The following UNC13A variants were observed in gnomAD, a reference collection of about 807,000 sequenced individuals.
The protein encoded by UNC13A is protein unc-13 homolog A.
Under a neutral mutation model 219.7 loss-of-function variants are expected in UNC13A, and 61 were observed. The observed-to-expected ratio is 0.28, with a 90% CI of 0.23 to 0.34. The LOEUF (loss-of-function observed/expected upper bound fraction) is 0.34, where lower values mean the gene tolerates loss of function less well. UNC13A is among the 10% of genes least tolerant of loss of function. The probability of loss-of-function intolerance (pLI) is 1.00; values close to 1 mark genes in which losing one functional copy is unlikely to be tolerated. For synonymous variants in UNC13A, 920 were observed against 884.6 expected, an observed-to-expected ratio of 1.04 and a Z score of -0.71; for missense variants, 1,476 against 2,270.3, an observed-to-expected ratio of 0.65 and a Z score of 7.11.
At chr19:17,647,233 G>C in intron 17 of UNC13A, 32 bp downstream of exon 17, 1 of 1,536,258 alleles carries the variant, frequency 6.5e-7, no homozygotes, top group Non-Finnish European at 8.8e-7. Context: ...GGTGGAGAAG[G>C]AGGGGCCCTA....
chr19:17,639,090 G>A lies in UNC13A; in HGVS notation c.3074C>T (p.Thr1025Ile). ...ACCCATCTGGAGTCTCACCGGGTCTGTCTGGTACTCCCGGCTGTACAGTTC... is the reference window on the plus strand; with the variant it reads ...ACCCATCTGGAGTCTCACCGGGTCTATCTGGTACTCCCGGCTGTACAGTTC... ...CHELYSREYQ[T>I]DPAKKGEVLP... The change falls in exon 25 of 44, where the codon ACA becomes ATA. Residue 1025 changes from threonine to isoleucine, a missense_variant. Around this residue, in one of 14 missense-constraint regions of UNC13A, gnomAD observed 24 missense variants for 16.0 expected, o/e 1.50. Coordinates refer to ENST00000519716, the MANE Select transcript of UNC13A (RefSeq NM_001080421.3). 6.3e-7 allele frequency: 1 copy of A among 1,596,754 alleles called. No homozygotes were observed.
At chr19:17,631,803 G>A (rs1187989658) in intron 28 of UNC13A, among the ~76,000 whole-genome samples, 1 of 152,194 alleles carries the variant, frequency 6.6e-6, no homozygotes, top group Non-Finnish European at 1.5e-5. Flanking sequence ...GGAGTGCAGT[G>A]ACACGATTTC....
In UNC13A at chr19:17,631,180, T is replaced by G. The variant is rs1472500358; in HGVS notation, c.3429-430A>C. On this transcript the variant is annotated intron_variant, in intron 28 of 43. Transcript: ENST00000519716. The stretch of plus-strand genomic sequence containing the variant: ...CTCCCTCCCTCCCTCCCTCCCTCCT[T>G]TCCTTCCTTCCCTCCCTCCCTCCCT... 2.6e-3 allele frequency among the ~76,000 whole-genome samples: 26 copies of G among 9,914 alleles called. 1 individual carries two copies. The highest frequency in any genetic ancestry group is 4.1e-3 in the African/African-American group (9 of 2,202). 6.5% of individuals were successfully genotyped at this position (9,914 alleles called of 152,430 possible).
chr19:17,619,242 TGG>T (rs879399853), intron 38 of UNC13A, among the ~76,000 whole-genome samples: 11,748 of 152,030 alleles, frequency 0.077, 631 homozygotes, highest in Non-Finnish European at 0.12. Context: ...GGCAGTGGGT[TGG>T]GGGAGCCTCA....
intron 31 of UNC13A, chr19:17,628,302 C>T: frequency 1.4e-5 from 4 of 290,042 alleles, no homozygotes; most frequent in Admixed American, 4.6e-5. Context: ...GACAGTGACA[C>T]ACTGAAGGCG....
At chr19:17,685,693 C>T (rs976953616) in intron 1 of UNC13A, among the ~76,000 whole-genome samples, 7 of 152,154 alleles carry the variant, frequency 4.6e-5, no homozygotes, top group African/African-American at 1.4e-4. Context: ...CGTGTGCCTA[C>T]GGAATGTGCC....
chr19:17,655,527 G>T, intron 10 of UNC13A, 145 bp from the exon 11 acceptor site: 1 of 738,720 alleles, frequency 1.4e-6, no homozygotes, highest in Non-Finnish European at 2.2e-6. Context: ...GAGTCCCCTG[G>T]CCCACCTCAG....
chr19:17,639,086 G>C lies in UNC13A; in HGVS notation c.3078C>G (p.Asp1026Glu). The C allele has an allele frequency of 6.3e-7, 1 of 1,592,688 alleles. No homozygotes were observed. The highest frequency in any genetic ancestry group is 8.6e-7 in the Non-Finnish European group (1 of 1,169,430). ...HELYSREYQTDPAKKGEVLPE... is the reference protein window; with the variant it reads ...HELYSREYQTEPAKKGEVLPE... ...TCTGACCCATCTGGAGTCTCACCGGGTCTGTCTGGTACTCCCGGCTGTACA... is the reference window on the plus strand; with the variant it reads ...TCTGACCCATCTGGAGTCTCACCGGCTCTGTCTGGTACTCCCGGCTGTACA... The change falls in exon 25 of 44, where the codon GAC (aspartate) becomes GAG (glutamate). Residue 1026 changes from aspartate (D) to glutamate (E), a missense_variant. By Grantham distance (45) the Asp-to-Glu change is conservative. Transcript: ENST00000519716.
In UNC13A at chr19:17,618,469, C is replaced by G; in HGVS notation, c.4362G>C (p.Leu1454Phe). The change falls in exon 40 of 44, where the codon TTG becomes TTC. Residue 1454 changes from leucine to phenylalanine, a missense_variant. Leu to Phe is a conservative substitution (Grantham distance 22, BLOSUM62 0). This residue lies in a region of UNC13A where 75 missense variants were observed against 100.2 expected (regional missense o/e 0.75). Coordinates refer to ENST00000519716, the MANE Select transcript of UNC13A (RefSeq NM_001080421.3). ...DHMVREEAKS[L>F]TPKQCAVVEL... ...CAACAACCGCGCACTGCTTTGGGGT[C>G]AAGCTCTTGGCTTCTTCTCGTACCA... is the stretch of plus-strand genomic sequence containing the variant. The G allele has an allele frequency of 1.9e-6, 3 of 1,593,702 alleles. No homozygotes were observed. The highest frequency in any genetic ancestry group is 2.6e-6 in the Non-Finnish European group (3 of 1,169,948).
intron 38 of UNC13A, 29 bp from the exon 39 acceptor site, chr19:17,618,991 G>C (rs1355619081): frequency 3.1e-6 from 5 of 1,611,218 alleles, no homozygotes; most frequent in Middle Eastern, 1.7e-4. Context: ...AGCTGGGTGA[G>C]GGCAGGGGTG....
rs756347047 is a variant in UNC13A, at chr19:17,652,614, A to G, written c.1439+17T>C. ...GGTTCAAATCTTCCTCCCACCGCTC[A>G]CAGTTTCATTACTTACCCGCCTTTG... On this transcript the variant is annotated intron_variant, in intron 12 of 43. Coordinates refer to ENST00000519716, the MANE Select transcript of UNC13A (RefSeq NM_001080421.3). 5 of 1,613,670 alleles carry G rather than the reference A, an allele frequency of 3.1e-6. No homozygotes were observed. The African/African-American group carries it at 6.7e-5, about 22-fold the overall frequency.
chr19:17,658,307 G>A (rs1478776265), intron 8 of UNC13A, 38 bp from the exon 9 acceptor site: 3 of 1,577,222 alleles, frequency 1.9e-6, no homozygotes, highest in South Asian at 1.1e-5. Flanking sequence ...GGGTGAGGAA[G>A]AGAGAGTGCA....
intron 41 of UNC13A, chr19:17,616,388 CGGGAGGCGGAG>C (rs900080649): frequency 1.7e-6 from 1 of 587,132 alleles, no homozygotes. Flanking sequence ...GGGCGGCGGG[CGGGAGGCGGAG>C]GCACGTACCC....
At chr19:17,614,171 A>T (rs1435231656) in intron 41 of UNC13A, 1 of 149,140 alleles carries the variant, frequency 6.7e-6, no homozygotes, top group Non-Finnish European at 1.5e-5. Flanking sequence ...ACGCCTGGCT[A>T]ATTTTTGTTA....
chr19:17,686,819 G>C (rs1018327366), intron 1 of UNC13A, among the ~76,000 whole-genome samples: 2 of 151,890 alleles, frequency 1.3e-5, no homozygotes. Flanking sequence ...AATCGGCCGA[G>C]GGGGAGGGGA....
At chr19:17,653,821 CTTTT>C (rs57243215) in intron 11 of UNC13A, among the ~76,000 whole-genome samples, 10 of 78,272 alleles carry the variant, frequency 1.3e-4, no homozygotes, top group African/African-American at 2.7e-4. Flanking sequence ...TATCACTTCT[CTTTT>C]TTTTTTTTTT....
Position 17,674,870 on chromosome 19 carries a change from C to A in UNC13A, c.53-114G>T. The A allele has an allele frequency of 1.2e-6, 1 of 854,158 alleles. No homozygotes were observed. Among genetic ancestry groups the A allele is most frequent in the Non-Finnish European group, 1.9e-6 (1 of 529,898 alleles). The allele number at this position is 854,158 out of a possible 1,614,324, so 52.9% of individuals were successfully genotyped here. A position where few individuals can be genotyped will look rare whatever the true frequency, so the allele number is the denominator to read the frequency against. On this transcript the variant is annotated intron_variant, in intron 2 of 43. Coordinates refer to ENST00000519716, the MANE Select transcript of UNC13A (RefSeq NM_001080421.3). This position sits in a 1 kb window ranked among gnomAD's most constrained non-coding sequence, Gnocchi z 5.0. The stretch of plus-strand genomic sequence containing the variant: ...TCAGGAATTTCTGGGCCACTCACCC[C>A]CTAACCCACAACCCCACCCTCAGGG...
intron 16 of UNC13A, 87 bp from the exon 17 acceptor site, chr19:17,647,579 A>AC: frequency 7.5e-7 from 1 of 1,325,540 alleles, no homozygotes; most frequent in Non-Finnish European, 1.0e-6. Context: ...CTACTCATCA[A>AC]CCGGGGGGAC....
chr19:17,672,175 G>A (rs920454746), intron 4 of UNC13A, among the ~76,000 whole-genome samples: 3 of 152,188 alleles, frequency 2.0e-5, no homozygotes, highest in Non-Finnish European at 4.4e-5. Context: ...GGGCCACAAG[G>A]TGGAAGCCAC....
Sources: allele counts gnomAD v4.1 joint callset (sites outside exome capture counted in the v4.1 genomes callset), GRCh38; gene constraint gnomAD v4.1.1; regional missense constraint gnomAD v4.1.1; non-coding constraint Gnocchi (gnomAD v3.1); transcripts MANE v1.5; gene names NCBI Gene and HGNC (gene_info 2026-07-23, HGNC 2026-07-21).